Variants in KLF8 observed in about 807,000 individuals in gnomAD.
KLF8 encodes the protein KLF transcription factor 8.
Under a neutral mutation model 18.2 loss-of-function variants are expected in KLF8, and 10 were observed. The observed-to-expected ratio is 0.55, with a 90% CI of 0.34 to 0.93. The LOEUF is 0.93. Among genes scored for constraint, KLF8 ranks in the 40% least tolerant of loss-of-function variants. KLF8 has a pLI of 0.02. For missense variants in KLF8, 264 were observed against 277.9 expected (o/e 0.95, Z 0.36); for synonymous variants, 109 against 97.3 (o/e 1.12, Z -0.71).
the KLF8 span, among the ~76,000 whole-genome samples, chrX:55,983,467 A>G: frequency 8.9e-6 from 1 of 111,821 alleles, no homozygotes; most frequent in African/African-American, 3.2e-5. Context: ...ATCTCTTAGT[A>G]TTATTCAAGA....
the KLF8 span, among the ~76,000 whole-genome samples, chrX:56,069,632 G>A: frequency 9.0e-6 from 1 of 111,309 alleles, no homozygotes; most frequent in Non-Finnish European, 1.9e-5. Flanking sequence ...AAGGGGTGCA[G>A]CCCCCTATTG....
chrX:56,039,482 C>T, the KLF8 span, among the ~76,000 whole-genome samples: 3 of 111,953 alleles, frequency 2.7e-5, no homozygotes, highest in African/African-American at 9.7e-5. Flanking sequence ...TTCTCCATTG[C>T]TTGTCTTTGT....
the KLF8 span, among the ~76,000 whole-genome samples, chrX:56,059,666 A>T: frequency 9.0e-6 from 1 of 111,202 alleles, no homozygotes; most frequent in Non-Finnish European, 1.9e-5. Flanking sequence ...ATGGTTGTAG[A>T]CGTGTGGCAT....
At chrX:55,983,828 T>C in the KLF8 span, among the ~76,000 whole-genome samples, 1 of 110,388 alleles carries the variant, frequency 9.1e-6, no homozygotes, top group Non-Finnish European at 1.9e-5. Flanking sequence ...TCTGTATGCC[T>C]TTGTGTACCC....
chrX:56,235,025 G>A (rs1310655645), intron 1 of KLF8, among the ~76,000 whole-genome samples: 1 of 111,367 alleles, frequency 9.0e-6, no homozygotes, highest in Non-Finnish European at 1.9e-5. Context: ...ACTTTTCAGG[G>A]CACATTGGAA....
the KLF8 span, among the ~76,000 whole-genome samples, chrX:56,162,018 A>C: frequency 2.7e-5 from 3 of 111,102 alleles, no homozygotes; most frequent in Non-Finnish European, 5.7e-5. Flanking sequence ...GGTCTGTTGG[A>C]GTTTGCTTTT....
At chrX:56,057,962 C>T in the KLF8 span, among the ~76,000 whole-genome samples, 1 of 106,409 alleles carries the variant, frequency 9.4e-6, no homozygotes, top group Non-Finnish European at 1.9e-5. Context: ...ATGGAGAGAA[C>T]AGGTTGCTTT....
chrX:56,089,524 T>A, the KLF8 span, among the ~76,000 whole-genome samples: 3 of 111,998 alleles, frequency 2.7e-5, no homozygotes, highest in Admixed American at 1.9e-4. Flanking sequence ...AGATTATCAC[T>A]CCTGTCTTAA....
chrX:55,926,449 T>G, the KLF8 span, among the ~76,000 whole-genome samples: 3 of 110,741 alleles, frequency 2.7e-5, no homozygotes, highest in Non-Finnish European at 5.7e-5. Context: ...AATGCTTTAT[T>G]TATTCAGAGT....
At chrX:56,228,574 G>A (rs762638417), upstream of KLF8, among the ~76,000 whole-genome samples, 17 of 112,287 alleles carry the variant, frequency 1.5e-4, no homozygotes, top group Non-Finnish European at 2.6e-4. Context: ...TGCACAGTTT[G>A]CAATCTAAAT....
chrX:56,278,910 A>T (rs1027517521), intron 5 of KLF8, among the ~76,000 whole-genome samples: 8 of 111,619 alleles, frequency 7.2e-5, no homozygotes, highest in Admixed American at 3.8e-4. Flanking sequence ...AGCAGAGTTC[A>T]GCATAGTTTT....
the KLF8 span, among the ~76,000 whole-genome samples, chrX:56,185,672 T>C: frequency 1.8e-5 from 2 of 111,854 alleles, no homozygotes; most frequent in Non-Finnish European, 3.8e-5. Context: ...TAATAGCGAA[T>C]CTCTCGGCAG....
At chrX:56,218,141 C>T in the KLF8 span, among the ~76,000 whole-genome samples, 3 of 111,342 alleles carry the variant, frequency 2.7e-5, no homozygotes, top group Non-Finnish European at 5.6e-5. Flanking sequence ...CCAAAGATAA[C>T]CTGTTCCAAG....
chrX:56,202,567 C>CG, the KLF8 span, among the ~76,000 whole-genome samples: 8 of 95,865 alleles, frequency 8.3e-5, no homozygotes, highest in Non-Finnish European at 1.1e-4. Context: ...CTTCCCCCCC[C>CG]CTCCCACCTG....
chrX:56,195,998 G>T, the KLF8 span, among the ~76,000 whole-genome samples: 1 of 111,234 alleles, frequency 9.0e-6, no homozygotes, highest in Non-Finnish European at 1.9e-5. Flanking sequence ...CATAAGTGAA[G>T]GAGAAATAAA....
chrX:56,160,777 G>A, the KLF8 span, among the ~76,000 whole-genome samples: 5 of 111,226 alleles, frequency 4.5e-5, no homozygotes, highest in African/African-American at 9.8e-5. Flanking sequence ...TTGAGCCTAT[G>A]TGTGTCTCTG....
chrX:56,148,197 G>T, the KLF8 span, among the ~76,000 whole-genome samples: 3 of 111,648 alleles, frequency 2.7e-5, no homozygotes, highest in African/African-American at 9.7e-5. Flanking sequence ...TGTTCCTTGA[G>T]CAGGAATTCA....
chrX:55,958,156 A>G, the KLF8 span, among the ~76,000 whole-genome samples: 6 of 112,481 alleles, frequency 5.3e-5, no homozygotes, highest in Non-Finnish European at 1.1e-4. Flanking sequence ...TAAGAGAAAA[A>G]GATCAGCTAA....
chrX:56,091,960 G>A, the KLF8 span, among the ~76,000 whole-genome samples: 5 of 104,185 alleles, frequency 4.8e-5, no homozygotes, highest in Admixed American at 1.0e-4. Flanking sequence ...TTTTCTCCAC[G>A]TCCTCACCAA....
Sources: allele counts gnomAD v4.1 joint callset (sites outside exome capture counted in the v4.1 genomes callset), GRCh38; gene constraint gnomAD v4.1.1; transcripts MANE v1.5; gene names NCBI Gene and HGNC (gene_info 2026-07-23, HGNC 2026-07-21).